DAB1: variants seen among roughly 807,000 people sequenced by gnomAD.
DAB1 encodes the protein DAB adaptor protein 1.
A neutral mutation model predicts 64.6 loss-of-function variants in DAB1; 15 were observed. The ratio of observed to expected loss-of-function variants is 0.23; its 90% CI spans 0.16 to 0.36. The LOEUF (loss-of-function observed/expected upper bound fraction) is 0.36, where lower values mean the gene tolerates loss of function less well. Among genes scored for constraint, DAB1 ranks in the 10% least tolerant of loss-of-function variants. DAB1 has a pLI of 1.00. For missense variants in DAB1, 596 were observed against 706.7 expected, an observed-to-expected ratio of 0.84 and a Z score of 1.78; for synonymous variants, 235 against 251.9, an observed-to-expected ratio of 0.93 and a Z score of 0.64.
At chr1:57,554,687 G>A (rs1430615958) in intron 7 of DAB1, among the ~76,000 whole-genome samples, 2 of 152,246 alleles carry the variant, frequency 1.3e-5, no homozygotes, top group South Asian at 2.1e-4. Flanking sequence ...TATAATAATG[G>A]AGAAGTATTT....
chr1:57,668,031 T>G lies in DAB1; in HGVS notation n.552-18366A>C, dbSNP rs202227409. Among the ~76,000 whole-genome samples, 42 of 151,906 alleles carry G rather than the reference T, an allele frequency of 2.8e-4. 1 individual carries two copies. The East Asian group carries it at 8.1e-3, about 29-fold the overall frequency. On this transcript the variant is annotated intron_variant and non_coding_transcript_variant, in intron 6 of 20. Coordinates refer to the DAB1 transcript ENST00000485760. ...TGTATCCCAGAACTTAAAGTAAAAT[T>G]TAAAAAAAAATTTTTAAAAAGAAAT...
chr1:57,472,098 T>G (rs75824783), intron 7 of DAB1, among the ~76,000 whole-genome samples: 3,181 of 152,296 alleles, frequency 0.021, 114 homozygotes, highest in East Asian at 0.17. Context: ...CTCAGAGACA[T>G]GTGTACTCTC....
At chr1:57,228,175 T>C (rs1667411999) in intron 2 of DAB1, among the ~76,000 whole-genome samples, 1 of 152,222 alleles carries the variant, frequency 6.6e-6, no homozygotes, top group African/African-American at 2.4e-5. Context: ...TCTGCAACTT[T>C]GTTCTCCTTT....
chr1:57,779,517 C>A (rs1377427290), intron 6 of DAB1, among the ~76,000 whole-genome samples: 1 of 152,140 alleles, frequency 6.6e-6, no homozygotes, highest in African/African-American at 2.4e-5. Flanking sequence ...AATCTGATTT[C>A]TGGTTTCTCA....
chr1:58,242,886 A>G (rs914436981), intron 4 of DAB1, among the ~76,000 whole-genome samples: 1 of 152,092 alleles, frequency 6.6e-6, no homozygotes, highest in Non-Finnish European at 1.5e-5. Flanking sequence ...CATATGGAGA[A>G]GCAGGAAAAA....
At chr1:58,545,084 G>A (rs996934927) in intron 1 of DAB1, among the ~76,000 whole-genome samples, 40 of 152,082 alleles carry the variant, frequency 2.6e-4, no homozygotes, top group Non-Finnish European at 3.7e-4. Flanking sequence ...TGGCGAACCA[G>A]GCCCTCCTAC....
chr1:58,518,388 G>T (rs907777259), intron 2 of DAB1, among the ~76,000 whole-genome samples: 1 of 150,826 alleles, frequency 6.6e-6, no homozygotes, highest in Non-Finnish European at 1.5e-5. Context: ...GAAAAGAAAA[G>T]AAAAAAGAAA....
chr1:57,628,665 C>G (rs1401781227), intron 7 of DAB1, among the ~76,000 whole-genome samples: 2 of 152,072 alleles, frequency 1.3e-5, no homozygotes, highest in Non-Finnish European at 2.9e-5. Context: ...GACCTTTGTA[C>G]CAGTCATTCA....
intron 1 of DAB1, among the ~76,000 whole-genome samples, chr1:58,540,449 C>T (rs1646588565): frequency 6.6e-6 from 1 of 151,466 alleles, no homozygotes; most frequent in Non-Finnish European, 1.5e-5. Flanking sequence ...CAAATAACAG[C>T]ATTAGTAGAT....
At chr1:57,369,410 G>A (rs1167315147) in intron 1 of DAB1, among the ~76,000 whole-genome samples, 1 of 152,048 alleles carries the variant, frequency 6.6e-6, no homozygotes, top group African/African-American at 2.4e-5. Flanking sequence ...TTCCCTATAG[G>A]CCCAAGTGTT....
At chr1:58,028,895 C>T (rs1646932981) in intron 5 of DAB1, among the ~76,000 whole-genome samples, 1 of 152,132 alleles carries the variant, frequency 6.6e-6, no homozygotes, top group Admixed American at 6.5e-5. Flanking sequence ...ATGTCTCCAT[C>T]CAAAGACCCA....
intron 2 of DAB1, among the ~76,000 whole-genome samples, chr1:57,199,428 C>A (rs1245690925): frequency 6.6e-6 from 1 of 152,168 alleles, no homozygotes; most frequent in Non-Finnish European, 1.5e-5. Context: ...TGTTTTGTCA[C>A]CTTTACTTAA....
chr1:58,458,082 CAG>C, intron 3 of DAB1, among the ~76,000 whole-genome samples: 1 of 152,342 alleles, frequency 6.6e-6, no homozygotes, highest in South Asian at 2.1e-4. Context: ...TCCCGGAGCA[CAG>C]AGTCTAGTGC....
intron 4 of DAB1, among the ~76,000 whole-genome samples, chr1:58,329,709 T>A (rs1183549092): frequency 1.3e-5 from 2 of 152,208 alleles, no homozygotes; most frequent in African/African-American, 2.4e-5. Flanking sequence ...ATATTTCAAA[T>A]TTTTCATCAT....
Position 57,225,815 on chromosome 1 carries a change from G to A in DAB1, c.67+65149C>T, listed in dbSNP as rs138055783. On this transcript the variant is annotated intron_variant, in intron 2 of 14. Transcript: ENST00000371236. ...TTACCATGGAGGTAGTGATGTTTTT[G>A]TTTTTGTTTTTTTTATAAAATGGTT... is the stretch of plus-strand genomic sequence containing the variant. Among the ~76,000 whole-genome samples the A allele has an allele frequency of 4.6e-3, 695 of 152,142 alleles. 5 individuals are homozygous for A. The highest frequency in any genetic ancestry group is 0.016 in the African/African-American group (644 of 41,536).
intron 7 of DAB1, among the ~76,000 whole-genome samples, chr1:57,497,736 G>T (rs1644246734): frequency 6.6e-6 from 1 of 152,200 alleles, no homozygotes; most frequent in Non-Finnish European, 1.5e-5. Flanking sequence ...ATGGCAGAGG[G>T]CCGGTTTCAT....
At chr1:57,967,675 T>C (rs1223168230) in intron 5 of DAB1, among the ~76,000 whole-genome samples, 1 of 152,160 alleles carries the variant, frequency 6.6e-6, no homozygotes, top group Non-Finnish European at 1.5e-5. Flanking sequence ...ATTTTGGAGA[T>C]AATAATTGTA....
At chr1:58,487,727 G>A (rs911733670) in intron 3 of DAB1, among the ~76,000 whole-genome samples, 1 of 152,022 alleles carries the variant, frequency 6.6e-6, no homozygotes, top group East Asian at 1.9e-4. Context: ...AGTAATTTGA[G>A]AAGCTTCATT....
chr1:57,391,293 A>G (rs1252536441), intron 1 of DAB1, among the ~76,000 whole-genome samples: 1 of 152,236 alleles, frequency 6.6e-6, no homozygotes, highest in Non-Finnish European at 1.5e-5. Context: ...AAAAAAGAAG[A>G]GGCTGCAACA....
Sources: gnomAD v4.1 joint callset for allele counts (sites outside exome capture counted in the v4.1 genomes callset) on GRCh38, gnomAD v4.1.1 for gene constraint, MANE v1.5 for transcripts, NCBI Gene and HGNC (gene_info 2026-07-23, HGNC 2026-07-21) for gene names.